Variants in BCAT1 observed in about 807,000 individuals in gnomAD.
The protein encoded by BCAT1 is branched-chain-amino-acid aminotransferase, cytosolic.
Under a neutral mutation model 52.4 loss-of-function variants are expected in BCAT1, and 48 were observed. That is an observed-to-expected ratio of 0.92 (90% CI 0.73 to 1.16). The LOEUF (loss-of-function observed/expected upper bound fraction) is 1.16. Among genes scored for constraint, BCAT1 ranks in the 50% most tolerant of loss-of-function variants. BCAT1 has a pLI of 0.00. For missense variants in BCAT1, 451 were observed against 457.1 expected, an observed-to-expected ratio of 0.99 and a Z score of 0.12; for synonymous variants, 167 against 161.3, an observed-to-expected ratio of 1.04 and a Z score of -0.27.
chr12:24,880,479 T>C (rs764217608), intron 4 of BCAT1, among the ~76,000 whole-genome samples: 2 of 152,152 alleles, frequency 1.3e-5, no homozygotes, highest in Non-Finnish European at 2.9e-5. Flanking sequence ...TAACCCATCT[T>C]ACAATGATTT....
chr12:24,830,045 C>T, intron 9 of BCAT1, 148 bp from the exon 10 acceptor site: 2 of 514,640 alleles, frequency 3.9e-6, no homozygotes, highest in South Asian at 8.1e-5. Context: ...AGTGCTAGCA[C>T]CTTATGCCAA....
At position 24,874,777 on chromosome 12, in the gene BCAT1, C is replaced by T. The variant is rs534024958; in HGVS notation, c.510+3753G>A. Among the ~76,000 whole-genome samples, 4 of 152,296 alleles carry T rather than the reference C, an allele frequency of 2.6e-5. No homozygotes were observed. In the South Asian group the frequency reaches 8.3e-4, roughly 32 times the overall value. On this transcript the variant is annotated intron_variant, in intron 5 of 10. Coordinates refer to ENST00000261192, the MANE Select transcript of BCAT1 (RefSeq NM_005504.7). ...GGCTGGGGCCCAACACCAATGTGTC[C>T]ATTGTAGAATCCTCAATGTTCTATA...
intron 10 of BCAT1, among the ~76,000 whole-genome samples, chr12:24,821,541 T>C (rs1208391153): frequency 1.3e-5 from 2 of 152,222 alleles, no homozygotes; most frequent in Non-Finnish European, 2.9e-5. Flanking sequence ...AATTTGATAT[T>C]ATTCAAGACC....
At chr12:24,821,098 C>G (rs1232162675) in intron 10 of BCAT1, among the ~76,000 whole-genome samples, 1 of 152,142 alleles carries the variant, frequency 6.6e-6, no homozygotes, top group East Asian at 1.9e-4. Context: ...TGTATGCACA[C>G]GGAGGACAGC....
At chr12:24,825,628 T>C (rs2353479) in intron 10 of BCAT1, among the ~76,000 whole-genome samples, 1 of 151,902 alleles carries the variant, frequency 6.6e-6, no homozygotes, top group Non-Finnish European at 1.5e-5. Flanking sequence ...TCAGATCTTT[T>C]ATCCATTTTT....
intron 10 of BCAT1, among the ~76,000 whole-genome samples, chr12:24,821,343 A>G (rs557735986): frequency 3.7e-4 from 57 of 152,238 alleles, no homozygotes; most frequent in African/African-American, 1.3e-3. Flanking sequence ...TCAGATGTCC[A>G]TCTCTGGATC....
chr12:24,848,648 G>A lies in BCAT1; in HGVS notation c.674+1138C>T, dbSNP rs192398105. On this transcript the variant is annotated intron_variant, in intron 6 of 10. Coordinates refer to ENST00000261192, the MANE Select transcript of BCAT1 (RefSeq NM_005504.7). Reference sequence around the variant, plus strand: ...ATATGGTATATATATGGTATGCAGTGGTACATAGGCACATGCTCTGCGAAG... The same window carrying A: ...ATATGGTATATATATGGTATGCAGTAGTACATAGGCACATGCTCTGCGAAG... 3.9e-3 allele frequency among the ~76,000 whole-genome samples: 591 copies of A among 152,138 alleles called. 1 individual carries two copies. The highest frequency in any genetic ancestry group is 6.8e-3 in the Middle Eastern group (2 of 294).
intron 1 of BCAT1, among the ~76,000 whole-genome samples, chr12:24,948,656 G>C (rs534083953): frequency 6.6e-6 from 1 of 152,304 alleles, no homozygotes; most frequent in South Asian, 2.1e-4. Context: ...GGAGGGAGCT[G>C]TAGCAGACTT....
chr12:24,888,199 G>A (rs1001259148), intron 3 of BCAT1, among the ~76,000 whole-genome samples: 3 of 151,944 alleles, frequency 2.0e-5, no homozygotes, highest in African/African-American at 7.3e-5. Context: ...CTTTCCATGT[G>A]GGGGTTAAAA....
In BCAT1 at chr12:24,817,820, A is replaced by G. The variant is rs534926992; in HGVS notation, c.*188T>C. 1.5e-5 allele frequency: 9 copies of G among 608,692 alleles called. No individual in the cohort carries two copies. The highest frequency in any genetic ancestry group is 1.5e-4 in the African/African-American group (8 of 54,396). 37.7% of individuals were successfully genotyped at this position (608,692 alleles called of 1,614,324 possible). On this transcript the variant is annotated 3_prime_UTR_variant, in exon 11 of 11. Transcript: ENST00000261192. Reference sequence around the variant, plus strand: ...TAAGTTACTACTACCAAGTTATGAAACACCATTTGATGATTGCAATTCATT... The same window carrying G: ...TAAGTTACTACTACCAAGTTATGAAGCACCATTTGATGATTGCAATTCATT...
chr12:24,812,019 T>A lies in BCAT1; in HGVS notation c.*5989A>T, dbSNP rs563256845. On this transcript the variant is annotated 3_prime_UTR_variant, in exon 11 of 11. Transcript: ENST00000261192. ...AGGTATATTGTGGGATTATTCCTTG[T>A]TAAGTCACCCCAGGAAACATTTGCA... 3.3e-5 allele frequency: 5 copies of A among 152,284 alleles called. No individual in the cohort carries two copies. The South Asian group carries it at 1.0e-3, about 32-fold the overall frequency. The allele number at this position is 152,284 out of a possible 1,614,324, so 9.4% of individuals were successfully genotyped here.
Position 24,815,898 on chromosome 12 carries a change from T to C in BCAT1, c.*2110A>G, listed in dbSNP as rs1201260245. ...TTTCTCATAGGAATAGAAATTTAGT[T>C]ACTATGTACCACTAGACAGTTTAAA... On this transcript the variant is annotated 3_prime_UTR_variant, in exon 11 of 11. Coordinates refer to ENST00000261192, the MANE Select transcript of BCAT1 (RefSeq NM_005504.7). 6.6e-6 allele frequency: 1 copy of C among 152,222 alleles called. No individual in the cohort carries two copies. Among genetic ancestry groups the C allele is most frequent in the African/African-American group, 2.4e-5 (1 of 41,456 alleles). 9.4% of individuals were successfully genotyped at this position (152,222 alleles called of 1,614,324 possible). A position where few individuals can be genotyped will look rare whatever the true frequency, so the allele number is the denominator to read the frequency against.
chr12:24,841,850 G>A (rs548092053), intron 7 of BCAT1, among the ~76,000 whole-genome samples: 4 of 152,114 alleles, frequency 2.6e-5, no homozygotes, highest in African/African-American at 9.6e-5. Context: ...AGTGAGCTGA[G>A]ATCACACCAT....
chr12:24,909,903 G>T (rs1055207813), intron 1 of BCAT1, among the ~76,000 whole-genome samples: 1 of 152,098 alleles, frequency 6.6e-6, no homozygotes, highest in East Asian at 1.9e-4. Context: ...TTAGTCAACA[G>T]TGCAACATCC....
At chr12:24,901,488 T>C (rs1051172088) in intron 2 of BCAT1, among the ~76,000 whole-genome samples, 1 of 152,206 alleles carries the variant, frequency 6.6e-6, no homozygotes, top group Non-Finnish European at 1.5e-5. Flanking sequence ...CAGTTTAACT[T>C]TTTCTACAAG....
At chr12:24,898,183 C>T (rs1465030400) in intron 2 of BCAT1, among the ~76,000 whole-genome samples, 3 of 152,058 alleles carry the variant, frequency 2.0e-5, no homozygotes, top group African/African-American at 7.2e-5. Flanking sequence ...TTTTCTTTTT[C>T]TAGATTTCCT....
In BCAT1 at chr12:24,902,885, C is replaced by A. The variant is rs539053675; in HGVS notation, c.7-1000G>T. The A allele has an allele frequency of 2.1e-4, 321 of 1,512,416 alleles. 6 individuals carry two copies. In the South Asian group the frequency reaches 3.0e-3, roughly 14 times the overall value. The allele number at this position is 1,512,416 out of a possible 1,614,324, so 93.7% of individuals were successfully genotyped here. On this transcript the variant is annotated intron_variant, in intron 1 of 10. Transcript: ENST00000261192. ...GCGACAAGGCGCCCGGCCAGGCCCG[C>A]GAGCTACCGAGACCCGGGTTCCAAT...
rs1376044418 is a variant in BCAT1, at chr12:24,813,915, G to T, written c.*4093C>A. Reference sequence around the variant, plus strand: ...ATGAGGGTAATGTCTATATGCCATTGATTTCTTAAAACTAACTTCCTAATC... The same window carrying T: ...ATGAGGGTAATGTCTATATGCCATTTATTTCTTAAAACTAACTTCCTAATC... On this transcript the variant is annotated 3_prime_UTR_variant, in exon 11 of 11. Transcript: ENST00000261192. 6.6e-6 allele frequency: 1 copy of T among 152,034 alleles called. No individual in the cohort carries two copies. The highest frequency in any genetic ancestry group is 1.5e-5 in the Non-Finnish European group (1 of 67,942). The allele number at this position is 152,034 out of a possible 1,614,324, so 9.4% of individuals were successfully genotyped here.
rs529163442 is a variant in BCAT1, at chr12:24,839,642, G to A, written c.817+2440C>T. ...ACATAGTGACTGTGCACAGCACTGT[G>A]CTTTGAACACACACTATCCACCACC... On this transcript the variant is annotated intron_variant, in intron 7 of 10. Transcript: ENST00000261192. 3.3e-5 allele frequency among the ~76,000 whole-genome samples: 5 copies of A among 152,330 alleles called. No individual in the cohort carries two copies. The South Asian group carries it at 1.0e-3, about 32-fold the overall frequency.
Sources: allele counts gnomAD v4.1 joint callset (sites outside exome capture counted in the v4.1 genomes callset), GRCh38; gene constraint gnomAD v4.1.1; transcripts MANE v1.5; gene names NCBI Gene and HGNC (gene_info 2026-07-23, HGNC 2026-07-21).